The following STARD13 variants were observed in gnomAD, a reference collection of about 807,000 sequenced individuals.
STARD13 encodes stAR-related lipid transfer protein 13.
A neutral mutation model predicts 106.4 loss-of-function variants in STARD13; 62 were observed. The ratio of observed to expected loss-of-function variants is 0.58; its 90% CI spans 0.48 to 0.72. STARD13 has a LOEUF of 0.72. Ranked by LOEUF, STARD13 falls within the 30% of genes least tolerant of loss-of-function variation. STARD13 has a pLI of 0.00. For missense variants in STARD13, 1,387 were observed against 1,424.0 expected (o/e 0.97, Z 0.42); for synonymous variants, 565 against 553.0 (o/e 1.02, Z -0.31).
At chr13:33,499,604 T>TTCTTTCTTCTTC in the STARD13 span, among the ~76,000 whole-genome samples, 17 of 39,834 alleles carry the variant, frequency 4.3e-4, no homozygotes, top group South Asian at 1.1e-3. Flanking sequence ...CTTCTTCTTC[T>TTCTTTCTTCTTC]TTCTTCTTCT....
intron 1 of STARD13, among the ~76,000 whole-genome samples, chr13:33,262,895 C>T (rs906884606): frequency 6.6e-6 from 1 of 152,030 alleles, no homozygotes; most frequent in African/African-American, 2.4e-5. Flanking sequence ...GCCCAGAATT[C>T]CAGGAAAGCA....
intron 1 of STARD13, among the ~76,000 whole-genome samples, chr13:33,218,262 T>C (rs1888154790): frequency 6.6e-6 from 1 of 152,198 alleles, no homozygotes; most frequent in Non-Finnish European, 1.5e-5. Context: ...GAGGAACATC[T>C]GAGCCCACGG....
At chr13:33,121,883 T>A (rs921811016) in intron 7 of STARD13, among the ~76,000 whole-genome samples, 52 of 150,978 alleles carry the variant, frequency 3.4e-4, no homozygotes, top group African/African-American at 1.2e-3. Context: ...CTCGCTCTTA[T>A]CCCCCAGGTT....
chr13:33,403,767 A>G, the STARD13 span, among the ~76,000 whole-genome samples: 2 of 152,190 alleles, frequency 1.3e-5, no homozygotes, highest in African/African-American at 4.8e-5. Context: ...GTTATAGAAA[A>G]CAGAGTATTA....
chr13:33,347,546 T>C (rs2078030639), downstream of STARD13, among the ~76,000 whole-genome samples: 1 of 152,180 alleles, frequency 6.6e-6, no homozygotes, highest in Non-Finnish European at 1.5e-5. Flanking sequence ...CACGCCTGAC[T>C]GCTGTACCCT....
intron 1 of STARD13, among the ~76,000 whole-genome samples, chr13:33,206,648 G>A (rs780485634): frequency 6.6e-6 from 1 of 152,220 alleles, no homozygotes; most frequent in Non-Finnish European, 1.5e-5. Context: ...GGTTCCAGAT[G>A]AGAGGCAGTT....
At chr13:33,128,905 A>G (rs1877670554) in intron 5 of STARD13, 24 bp downstream of exon 5, 2 of 1,567,082 alleles carry the variant, frequency 1.3e-6, no homozygotes, top group Non-Finnish European at 8.6e-7. Flanking sequence ...ATGAAAAATC[A>G]TTTCACAAGT....
intron 5 of STARD13, among the ~76,000 whole-genome samples, chr13:33,128,613 G>C (rs1206263036): frequency 6.6e-6 from 1 of 152,126 alleles, no homozygotes; most frequent in Non-Finnish European, 1.5e-5. Context: ...CTAGGAACTG[G>C]GTATTGGTTA....
the STARD13 span, among the ~76,000 whole-genome samples, chr13:33,434,375 A>G: frequency 4.7e-5 from 7 of 148,210 alleles, no homozygotes; most frequent in South Asian, 1.5e-3. Context: ...AAAAAAAAAG[A>G]AAGAAAGAAA....
the STARD13 span, among the ~76,000 whole-genome samples, chr13:33,660,944 A>T: frequency 6.6e-6 from 1 of 152,236 alleles, no homozygotes; most frequent in Non-Finnish European, 1.5e-5. Context: ...TAGCAAAGAA[A>T]AACATAGGAC....
At chr13:33,610,295 A>C in the STARD13 span, among the ~76,000 whole-genome samples, 1 of 152,370 alleles carries the variant, frequency 6.6e-6, no homozygotes, top group East Asian at 1.9e-4. Flanking sequence ...CTGTATCTTC[A>C]AAGTCTTACT....
the STARD13 span, among the ~76,000 whole-genome samples, chr13:33,520,517 G>A: frequency 9.9e-5 from 15 of 152,046 alleles, no homozygotes; most frequent in African/African-American, 3.4e-4. Context: ...ACTCCAAGAC[G>A]TTACTTTTCT....
chr13:33,428,982 T>C, the STARD13 span, among the ~76,000 whole-genome samples: 6,883 of 152,228 alleles, frequency 0.045, 501 homozygotes, highest in African/African-American at 0.15. Context: ...GATATCATCT[T>C]ACCCTAGTTA....
At chr13:33,612,271 C>T in the STARD13 span, among the ~76,000 whole-genome samples, 1 of 152,206 alleles carries the variant, frequency 6.6e-6, no homozygotes, top group Non-Finnish European at 1.5e-5. Flanking sequence ...GTCACCCCTT[C>T]CTTAAGACAC....
chr13:33,647,198 G>A, the STARD13 span, among the ~76,000 whole-genome samples: 21 of 152,078 alleles, frequency 1.4e-4, no homozygotes, highest in Non-Finnish European at 2.5e-4. Context: ...GCATGTGAAC[G>A]GATTTGATGT....
At chr13:33,501,286 C>A in the STARD13 span, among the ~76,000 whole-genome samples, 1 of 152,016 alleles carries the variant, frequency 6.6e-6, no homozygotes, top group East Asian at 1.9e-4. Flanking sequence ...CCATTTTGGC[C>A]AGGCTGGTCT....
chr13:33,231,102 C>G lies in STARD13; in HGVS notation c.169+54368G>C, dbSNP rs547043982. 3.7e-4 allele frequency among the ~76,000 whole-genome samples: 56 copies of G among 152,358 alleles called. No individual in the cohort carries two copies. In the South Asian group the frequency reaches 8.3e-3, roughly 23 times the overall value. The stretch of plus-strand genomic sequence containing the variant: ...ACTTAAAGTCCTGCATCTCAGGACA[C>G]TCCTCAGTTGGCTGAGTGAGTGATA... On this transcript the variant is annotated intron_variant, in intron 1 of 13. Transcript: ENST00000336934.
the STARD13 span, among the ~76,000 whole-genome samples, chr13:33,627,449 C>T: frequency 1.3e-5 from 2 of 151,938 alleles, no homozygotes; most frequent in African/African-American, 4.8e-5. Flanking sequence ...CCAGCCTGGC[C>T]AAGATGGTGA....
At chr13:33,588,844 C>T in the STARD13 span, among the ~76,000 whole-genome samples, 5 of 152,178 alleles carry the variant, frequency 3.3e-5, no homozygotes, top group African/African-American at 9.7e-5. Context: ...ACTACTTATT[C>T]GCCCCCTCAC....
Sources: allele counts gnomAD v4.1 joint callset (sites outside exome capture counted in the v4.1 genomes callset), GRCh38; gene constraint gnomAD v4.1.1; transcripts MANE v1.5; gene names NCBI Gene and HGNC (gene_info 2026-07-23, HGNC 2026-07-21).